ITGA9: variants seen among roughly 807,000 people sequenced by gnomAD.
ITGA9 encodes the protein integrin alpha-9.
In ITGA9, 56 loss-of-function variants were observed where a neutral mutation model predicts 127.8. That is an observed-to-expected ratio of 0.44 (90% CI 0.35 to 0.55). The LOEUF (loss-of-function observed/expected upper bound fraction) is 0.55. ITGA9 is among the 20% of genes least tolerant of loss of function. The pLI, the probability that ITGA9 is intolerant of heterozygous loss-of-function variation, is 0.00. For missense variants in ITGA9, 1,196 were observed against 1,347.1 expected (o/e 0.89, Z 1.76); for synonymous variants, 508 against 514.5 (o/e 0.99, Z 0.17).
intron 18 of ITGA9, among the ~76,000 whole-genome samples, chr3:37,689,887 C>T (rs1028809265): frequency 6.6e-6 from 1 of 152,188 alleles, no homozygotes; most frequent in African/African-American, 2.4e-5. Context: ...AGGGACTGTT[C>T]CAGCCACAAG....
intron 1 of ITGA9, among the ~76,000 whole-genome samples, chr3:37,454,506 G>A (rs1159159737): frequency 1.3e-5 from 2 of 152,172 alleles, no homozygotes; most frequent in African/African-American, 4.8e-5. Context: ...GTTGCCAGTT[G>A]AGATGTGGGA....
chr3:37,742,505 C>G (rs766718531), intron 21 of ITGA9, among the ~76,000 whole-genome samples: 20 of 152,188 alleles, frequency 1.3e-4, no homozygotes, highest in Non-Finnish European at 2.4e-4. Context: ...AAAGCCCCAG[C>G]TTGGAAAAAT....
chr3:37,777,300 G>A, intron 23 of ITGA9, 92 bp from the exon 24 acceptor site: 1 of 1,424,534 alleles, frequency 7.0e-7, no homozygotes, highest in Non-Finnish European at 9.9e-7. Flanking sequence ...GTGAATTGGG[G>A]TTCTACCACT....
At chr3:37,523,055 C>A (rs1285120972) in intron 11 of ITGA9, among the ~76,000 whole-genome samples, 1 of 152,116 alleles carries the variant, frequency 6.6e-6, no homozygotes, top group Non-Finnish European at 1.5e-5. Flanking sequence ...ACCTGTCTGT[C>A]TAGGGAAAGA....
intron 15 of ITGA9, among the ~76,000 whole-genome samples, chr3:37,560,540 A>G (rs1239192102): frequency 6.6e-6 from 1 of 152,176 alleles, no homozygotes. Context: ...GTCTTCCACA[A>G]TGGTTGAACG....
At chr3:37,524,596 C>G (rs1216646332) in intron 12 of ITGA9, among the ~76,000 whole-genome samples, 1 of 152,176 alleles carries the variant, frequency 6.6e-6, no homozygotes, top group African/African-American at 2.4e-5. Flanking sequence ...TGGCCATCCC[C>G]AAATAATACC....
chr3:37,493,871 C>T (rs187696989), intron 4 of ITGA9, among the ~76,000 whole-genome samples: 45 of 152,316 alleles, frequency 3.0e-4, no homozygotes, highest in Admixed American at 1.9e-3. Context: ...AGCAGAACGC[C>T]CCCATTTGTT....
Position 37,682,456 on chromosome 3 carries a change from C to T in ITGA9, c.1917-1409C>T, listed in dbSNP as rs367937771. Among the ~76,000 whole-genome samples the T allele has an allele frequency of 1.4e-3, 216 of 152,340 alleles. 1 individual carries two copies. The highest frequency in any genetic ancestry group is 5.1e-3 in the African/African-American group (210 of 41,578). ...GACTCCTCTCTCGATTTTCCTCTTC[C>T]TTCTCTAGCCATGCTTTTCCAGTCT... On this transcript the variant is annotated intron_variant, in intron 17 of 27. Transcript: ENST00000264741.
At chr3:37,528,722 A>G (rs1699119338) in intron 13 of ITGA9, among the ~76,000 whole-genome samples, 1 of 152,202 alleles carries the variant, frequency 6.6e-6, no homozygotes. Flanking sequence ...CAGTGTGAGC[A>G]CTTCATTTGT....
Position 37,542,594 on chromosome 3 carries a change from TCTC to T in ITGA9, c.1689+15_1689+17del. On this transcript the variant is annotated intron_variant, in intron 15 of 27. Coordinates refer to ENST00000264741, the MANE Select transcript of ITGA9 (RefSeq NM_002207.3). ...ATGTGGCCCATGTGAAGGTCAGTCC[TCTC>T]CTCCTTTTTATCCTCAAACTTTGAT... The T allele has an allele frequency of 6.2e-7, 1 of 1,613,998 alleles. No homozygotes were observed. Among genetic ancestry groups the T allele is most frequent in the Non-Finnish European group, 8.5e-7 (1 of 1,179,886 alleles).
At chr3:37,730,442 C>T (rs189256377) in intron 18 of ITGA9, among the ~76,000 whole-genome samples, 7 of 152,124 alleles carry the variant, frequency 4.6e-5, no homozygotes, top group Non-Finnish European at 1.0e-4. Flanking sequence ...CCATGCAGTT[C>T]TTGAGACAGC....
chr3:37,529,453 C>T (rs1341076300), intron 13 of ITGA9, among the ~76,000 whole-genome samples: 1 of 151,990 alleles, frequency 6.6e-6, no homozygotes, highest in Non-Finnish European at 1.5e-5. Flanking sequence ...GGGGCAAAAG[C>T]CAGATGGCAG....
chr3:37,708,708 C>G (rs377503082), intron 18 of ITGA9, among the ~76,000 whole-genome samples: 2 of 148,190 alleles, frequency 1.3e-5, no homozygotes, highest in South Asian at 4.3e-4. Context: ...CCAATGCCAA[C>G]AGCATTGAGG....
At chr3:37,622,219 C>T (rs1700135081) in intron 15 of ITGA9, among the ~76,000 whole-genome samples, 1 of 150,776 alleles carries the variant, frequency 6.6e-6, no homozygotes, top group Non-Finnish European at 1.5e-5. Flanking sequence ...TCCCAAGCAG[C>T]TGGGACTACA....
intron 27 of ITGA9, among the ~76,000 whole-genome samples, chr3:37,809,240 C>T (rs1029505997): frequency 1.3e-5 from 2 of 151,944 alleles, no homozygotes; most frequent in Non-Finnish European, 2.9e-5. Context: ...TGCCTGCCAC[C>T]AAGCCTGGCT....
intron 26 of ITGA9, among the ~76,000 whole-genome samples, chr3:37,802,731 G>C (rs371212703): frequency 1.3e-5 from 2 of 152,182 alleles, no homozygotes; most frequent in African/African-American, 4.8e-5. Flanking sequence ...TTAACAATCA[G>C]TTCTCTGGCA....
intron 17 of ITGA9, among the ~76,000 whole-genome samples, chr3:37,678,919 A>C (rs2125660263): frequency 6.6e-6 from 1 of 152,360 alleles, no homozygotes; most frequent in Middle Eastern, 3.4e-3. Context: ...AGATGTCATC[A>C]GTAACATCTT....
intron 1 of ITGA9, among the ~76,000 whole-genome samples, chr3:37,468,919 G>A (rs1400313653): frequency 2.0e-5 from 3 of 152,216 alleles, no homozygotes; most frequent in African/African-American, 7.2e-5. Context: ...TTGAACATCA[G>A]TGTGGATTTT....
At chr3:37,495,436 C>T (rs1252140535) in intron 5 of ITGA9, among the ~76,000 whole-genome samples, 1 of 152,192 alleles carries the variant, frequency 6.6e-6, no homozygotes, top group Non-Finnish European at 1.5e-5. Context: ...TCAGTTCCTC[C>T]TCTCTCAAAC....
Sources: allele counts gnomAD v4.1 joint callset (sites outside exome capture counted in the v4.1 genomes callset), GRCh38; gene constraint gnomAD v4.1.1; transcripts MANE v1.5; gene names NCBI Gene and HGNC (gene_info 2026-07-23, HGNC 2026-07-21).